Variants in ST14 observed in about 807,000 individuals in gnomAD.
ST14 encodes the protein ST14 transmembrane serine protease matriptase.
Under a neutral mutation model 96.5 loss-of-function variants are expected in ST14, and 40 were observed. The ratio of observed to expected loss-of-function variants is 0.41; its 90% CI spans 0.32 to 0.54. The LOEUF is 0.54. Among genes scored for constraint, ST14 ranks in the 20% least tolerant of loss-of-function variants. The pLI, the probability that ST14 is intolerant of heterozygous loss-of-function variation, is 0.17. For synonymous variants in ST14, 506 were observed against 492.1 expected (o/e 1.03, Z -0.37); for missense variants, 1,066 against 1,188.9 (o/e 0.90, Z 1.52).
At chr11:130,189,018 G>C (rs1220018844) in intron 4 of ST14, 79 bp downstream of exon 4, 1 of 1,460,708 alleles carries the variant, frequency 6.8e-7, no homozygotes, top group East Asian at 2.4e-5. Context: ...TGTGGGGCAG[G>C]AAGCGGGAGA....
chr11:130,209,845 G>A lies in ST14; in HGVS notation c.*22G>A. The A allele has an allele frequency of 6.2e-7, 1 of 1,611,530 alleles. No homozygotes were observed. Among genetic ancestry groups the A allele is most frequent in the Non-Finnish European group, 8.5e-7 (1 of 1,179,948 alleles). On this transcript the variant is annotated 3_prime_UTR_variant, in exon 19 of 19. Coordinates refer to ENST00000278742, the MANE Select transcript of ST14 (RefSeq NM_021978.4). ...ATAGGGGCCGGGGCCACCCAAATGT[G>A]TACACCTGCGGGGCCACCCATCGTC...
intron 1 of ST14, among the ~76,000 whole-genome samples, chr11:130,170,993 C>T (rs1420936405): frequency 6.6e-6 from 1 of 152,126 alleles, no homozygotes; most frequent in Non-Finnish European, 1.5e-5. Context: ...TAGAATGGAA[C>T]TTAATATTCA....
intron 9 of ST14, 139 bp from the exon 10 acceptor site, chr11:130,196,200 G>T: frequency 1.4e-6 from 1 of 718,218 alleles, no homozygotes; most frequent in Non-Finnish European, 2.5e-6. Flanking sequence ...CAAACACGCT[G>T]GGAGAACTTT....
chr11:130,162,682 G>A (rs1307636466), intron 1 of ST14, among the ~76,000 whole-genome samples: 3 of 152,216 alleles, frequency 2.0e-5, no homozygotes, highest in Non-Finnish European at 4.4e-5. Flanking sequence ...GGAAATAGCA[G>A]TGAGGAAGAC....
In ST14 at chr11:130,190,595, C is replaced by T; in HGVS notation, c.776C>T (p.Thr259Ile). The T allele has an allele frequency of 6.2e-7, 1 of 1,613,140 alleles. No individual in the cohort carries two copies. Among genetic ancestry groups the T allele is most frequent in the Non-Finnish European group, 8.5e-7 (1 of 1,179,856 alleles). ...GACGCCGACTCAGTGCTGAGCCTCA[C>T]CTTCCGCAGCTTTGACCTTGCGTCC... is the stretch of plus-strand genomic sequence containing the variant. ...RGDADSVLSL[T>I]FRSFDLASCD... is the part of the protein sequence containing the mutation. The change falls in exon 7 of 19, where the codon ACC (threonine) becomes ATC (isoleucine). Residue 259 changes from threonine to isoleucine, a missense_variant. Physicochemically the swap from Thr to Ile is moderately conservative, Grantham distance 89. Coordinates refer to ENST00000278742, the MANE Select transcript of ST14 (RefSeq NM_021978.4).
intron 5 of ST14, 29 bp downstream of exon 5, chr11:130,189,925 G>A: frequency 1.2e-6 from 2 of 1,613,428 alleles, no homozygotes; most frequent in Middle Eastern, 1.8e-4. Context: ...GGTGGGCGTG[G>A]GACTGGCCAG....
At chr11:130,190,960 A>G (rs141415723) in intron 7 of ST14, among the ~76,000 whole-genome samples, 1 of 152,348 alleles carries the variant, frequency 6.6e-6, no homozygotes, top group East Asian at 1.9e-4. Flanking sequence ...TGTGCCCTGA[A>G]CCGCCGGAGA....
At chr11:130,166,675 A>G (rs1231142020) in intron 1 of ST14, among the ~76,000 whole-genome samples, 1 of 152,180 alleles carries the variant, frequency 6.6e-6, no homozygotes, top group Non-Finnish European at 1.5e-5. Flanking sequence ...CGTCTGGGTC[A>G]GGAGTCAGTG....
chr11:130,206,102 T>C (rs1953484198), intron 16 of ST14, among the ~76,000 whole-genome samples: 1 of 152,246 alleles, frequency 6.6e-6, no homozygotes, highest in African/African-American at 2.4e-5. Context: ...ACAGTTTCTC[T>C]ACGCCTTTTA....
chr11:130,196,011 T>A (rs1591891368), intron 9 of ST14, among the ~76,000 whole-genome samples: 1 of 151,174 alleles, frequency 6.6e-6, no homozygotes, highest in South Asian at 2.1e-4. Context: ...ACAAAAAAAA[T>A]TATCTGGGTG....
intron 1 of ST14, among the ~76,000 whole-genome samples, chr11:130,165,141 G>A (rs1953031371): frequency 6.6e-6 from 1 of 152,222 alleles, no homozygotes; most frequent in Non-Finnish European, 1.5e-5. Context: ...AATCTAGATT[G>A]GAGCCCAGGT....
At chr11:130,201,062 G>A (rs1953422202) in intron 16 of ST14, among the ~76,000 whole-genome samples, 3 of 152,254 alleles carry the variant, frequency 2.0e-5, no homozygotes, top group African/African-American at 2.4e-5. Flanking sequence ...ATACAATGCT[G>A]TACTTGAGAC....
chr11:130,183,363 A>G (rs754770142), intron 1 of ST14, among the ~76,000 whole-genome samples: 2 of 152,242 alleles, frequency 1.3e-5, no homozygotes, highest in Non-Finnish European at 2.9e-5. Flanking sequence ...AGGCCACCAG[A>G]TGTCTAAAGA....
rs1310859427 is a variant in ST14, at chr11:130,198,430, G to A, written c.1570+12G>A. The A allele has an allele frequency of 1.2e-6, 2 of 1,613,868 alleles. No individual in the cohort carries two copies. Among genetic ancestry groups the A allele is most frequent in the African/African-American group, 2.7e-5 (2 of 74,936 alleles). On this transcript the variant is annotated intron_variant, in intron 13 of 18. Transcript: ENST00000278742. ...CGAGCAGGGGTGCAGTGAGTGCTGG[G>A]GAGGGGCTGCCTGGGCGGGCAGGTG...
In ST14 at chr11:130,200,057, C is replaced by A. The variant is rs76010460; in HGVS notation, c.1914C>A (p.Gly638=). The change falls in exon 16 of 19, where the codon GGC becomes GGA. Residue 638 remains glycine (G), a synonymous_variant. Coordinates refer to ENST00000278742, the MANE Select transcript of ST14 (RefSeq NM_021978.4). ...TAAGCCTGCATGCTCTGGGCCAGGG[C>A]CACATCTGCGGTGCTTCCCTCATCT... ...WQVSLHALGQ[G]HICGASLISP... is the part of the protein sequence containing the mutation. 4.3e-5 allele frequency: 70 copies of A among 1,614,184 alleles called. No homozygotes were observed. The African/African-American group carries it at 8.9e-4, about 21-fold the overall frequency.
At chr11:130,179,084 G>GT (rs904106918) in intron 1 of ST14, among the ~76,000 whole-genome samples, 7 of 152,162 alleles carry the variant, frequency 4.6e-5, no homozygotes, top group African/African-American at 1.4e-4. Flanking sequence ...TCTCCTCCTG[G>GT]TGACAGGAAG....
At chr11:130,205,705 T>G (rs1052090010) in intron 16 of ST14, among the ~76,000 whole-genome samples, 3 of 89,452 alleles carry the variant, frequency 3.4e-5, no homozygotes, top group African/African-American at 1.0e-4. Flanking sequence ...AGACGTTTTT[T>G]TTTTTGTTTT....
Position 130,167,751 on chromosome 11 carries a change from G to C in ST14, c.81+7691G>C, listed in dbSNP as rs573802015. Among the ~76,000 whole-genome samples the C allele has an allele frequency of 1.9e-3, 292 of 151,888 alleles. 1 individual carries two copies. The highest frequency in any genetic ancestry group is 3.6e-3 in the Non-Finnish European group (242 of 67,980). ...TTTTTCTGAGATAGGGTCTTGCTCT[G>C]TCGCCTAGGCTGGAGTGCAGTGGCG... On this transcript the variant is annotated intron_variant, in intron 1 of 18. Transcript: ENST00000278742.
intron 1 of ST14, among the ~76,000 whole-genome samples, chr11:130,161,878 C>G (rs1393052016): frequency 2.0e-5 from 3 of 152,192 alleles, no homozygotes; most frequent in African/African-American, 7.2e-5. Context: ...GAGAGCGAAA[C>G]TAAGAGACGA....
Sources: gnomAD v4.1 joint callset for allele counts (sites outside exome capture counted in the v4.1 genomes callset) on GRCh38, gnomAD v4.1.1 for gene constraint, MANE v1.5 for transcripts, NCBI Gene and HGNC (gene_info 2026-07-23, HGNC 2026-07-21) for gene names.